Variants in HLCS observed in about 807,000 individuals in gnomAD.
The protein encoded by HLCS is holocarboxylase synthetase.
A neutral mutation model predicts 75.0 loss-of-function variants in HLCS; 53 were observed. The observed-to-expected ratio is 0.71, with a 90% CI of 0.57 to 0.89. The LOEUF (loss-of-function observed/expected upper bound fraction) is 0.89. Among genes scored for constraint, HLCS ranks in the 40% least tolerant of loss-of-function variants. HLCS has a pLI of 0.00. For synonymous variants in HLCS, 431 were observed against 428.6 expected, an observed-to-expected ratio of 1.01 and a Z score of -0.07; for missense variants, 966 against 1,074.0, an observed-to-expected ratio of 0.90 and a Z score of 1.41.
chr21:36,967,060 G>T (rs1447682866), upstream of HLCS, among the ~76,000 whole-genome samples: 1 of 151,936 alleles, frequency 6.6e-6, no homozygotes, highest in Non-Finnish European at 1.5e-5. Context: ...TCCAGTGGCT[G>T]CCCGACCTGT....
At chr21:36,769,723 C>T (rs1461166147) in intron 6 of HLCS, among the ~76,000 whole-genome samples, 1 of 152,204 alleles carries the variant, frequency 6.6e-6, no homozygotes, top group Non-Finnish European at 1.5e-5. Flanking sequence ...GAGACAGCCT[C>T]CTGACCACTT....
intron 6 of HLCS, among the ~76,000 whole-genome samples, chr21:36,834,670 C>T (rs2062343845): frequency 1.3e-5 from 2 of 152,228 alleles, no homozygotes; most frequent in African/African-American, 4.8e-5. Flanking sequence ...AGTCTCCTGC[C>T]TCAGCCTCCT....
chr21:36,864,616 T>C lies in HLCS; in HGVS notation c.1892+32244A>G, dbSNP rs533724285. Among the ~76,000 whole-genome samples the C allele has an allele frequency of 1.6e-3, 249 of 152,330 alleles. 1 individual carries two copies. The highest frequency in any genetic ancestry group is 5.8e-3 in the African/African-American group (242 of 41,576). On this transcript the variant is annotated intron_variant, in intron 6 of 10. Coordinates refer to ENST00000674895, the MANE Select transcript of HLCS (RefSeq NM_001352514.2). ...AGTGTTAAGTTTTCATATTATGAAT[T>C]GATTCAGTTACAATTACCAATAGTA...
At chr21:36,764,205 T>C (rs1481762801) in intron 8 of HLCS, among the ~76,000 whole-genome samples, 1 of 152,198 alleles carries the variant, frequency 6.6e-6, no homozygotes, top group African/African-American at 2.4e-5. Context: ...GAGACCATCC[T>C]GGCCAACATG....
At chr21:36,774,814 G>T (rs8130689) in intron 6 of HLCS, among the ~76,000 whole-genome samples, 15,818 of 152,214 alleles carry the variant, frequency 0.1, 1,446 homozygotes, top group African/African-American at 0.24. Flanking sequence ...ACACATAGTT[G>T]GTTGAACTGG....
chr21:36,911,627 T>C (rs1035838366), intron 5 of HLCS, among the ~76,000 whole-genome samples: 1 of 151,046 alleles, frequency 6.6e-6, no homozygotes, highest in African/African-American at 2.4e-5. Flanking sequence ...CAGGTGCCTG[T>C]AGTCCCAGCT....
chr21:36,773,984 C>A (rs1174247267), intron 6 of HLCS, among the ~76,000 whole-genome samples: 1 of 152,090 alleles, frequency 6.6e-6, no homozygotes, highest in Non-Finnish European at 1.5e-5. Flanking sequence ...CACACTTTAA[C>A]AATACGATTG....
intron 6 of HLCS, among the ~76,000 whole-genome samples, chr21:36,828,209 C>T (rs907974493): frequency 5.9e-5 from 9 of 152,038 alleles, no homozygotes; most frequent in East Asian, 3.9e-4. Flanking sequence ...TCTGATTCAG[C>T]GGGTTCAGAA....
chr21:36,935,474 AG>A (rs1184781885), intron 4 of HLCS, among the ~76,000 whole-genome samples: 1 of 152,216 alleles, frequency 6.6e-6, no homozygotes. Context: ...GAAAAAGACA[AG>A]GCATTACAAA....
intron 6 of HLCS, among the ~76,000 whole-genome samples, chr21:36,828,501 C>T (rs973926828): frequency 4.6e-5 from 7 of 152,138 alleles, no homozygotes; most frequent in South Asian, 2.1e-4. Flanking sequence ...CTTTATTCTT[C>T]CTTTTTTCCA....
chr21:36,798,687 T>G (rs988724148), intron 6 of HLCS, among the ~76,000 whole-genome samples: 1 of 152,220 alleles, frequency 6.6e-6, no homozygotes, highest in African/African-American at 2.4e-5. Flanking sequence ...CACATTCTTG[T>G]CAACATTTGG....
At chr21:36,875,981 C>T (rs1403707445) in intron 6 of HLCS, among the ~76,000 whole-genome samples, 1 of 152,194 alleles carries the variant, frequency 6.6e-6, no homozygotes, top group East Asian at 1.9e-4. Context: ...CTGGTGCCTG[C>T]AGCAGAAGCC....
intron 3 of HLCS, 85 bp from the exon 4 acceptor site, chr21:36,937,477 C>A (rs889422599): frequency 1.7e-5 from 20 of 1,195,332 alleles, no homozygotes; most frequent in Non-Finnish European, 2.3e-5. Flanking sequence ...TCTCATCACC[C>A]TCTCTGCATT....
chr21:36,868,641 CA>C, intron 6 of HLCS, among the ~76,000 whole-genome samples: 1 of 150,782 alleles, frequency 6.6e-6, no homozygotes, highest in African/African-American at 2.4e-5. Flanking sequence ...AAATGATGAC[CA>C]AAATAAAAAT....
chr21:36,968,566 C>T (rs1137981), upstream of HLCS: 62,255 of 151,976 alleles, frequency 0.41, 13,480 homozygotes, highest in South Asian at 0.53. Context: ...CAGTGGCAGC[C>T]GGAAAGTGGG....
chr21:36,761,060 T>C (rs115817158), intron 8 of HLCS, among the ~76,000 whole-genome samples: 1 of 152,360 alleles, frequency 6.6e-6, no homozygotes, highest in African/African-American at 2.4e-5. Context: ...ACGGGGCTGG[T>C]CTTCCCACGT....
intron 6 of HLCS, among the ~76,000 whole-genome samples, chr21:36,798,000 G>C (rs1347527033): frequency 6.6e-6 from 1 of 152,084 alleles, no homozygotes; most frequent in Non-Finnish European, 1.5e-5. Flanking sequence ...AGTAGTGAGA[G>C]CTAAGGATGG....
intron 5 of HLCS, among the ~76,000 whole-genome samples, chr21:36,912,766 C>A (rs1175968775): frequency 6.6e-6 from 1 of 152,102 alleles, no homozygotes; most frequent in Non-Finnish European, 1.5e-5. Context: ...CCACCCCCCC[C>A]AACCCCTGCC....
chr21:36,953,555 G>A (rs2146615961), intron 2 of HLCS, among the ~76,000 whole-genome samples: 1 of 152,218 alleles, frequency 6.6e-6, no homozygotes, highest in South Asian at 2.1e-4. Context: ...ATACAACTTA[G>A]CCTGTATCCT....
Sources: allele counts gnomAD v4.1 joint callset (sites outside exome capture counted in the v4.1 genomes callset), GRCh38; gene constraint gnomAD v4.1.1; transcripts MANE v1.5; gene names NCBI Gene and HGNC (gene_info 2026-07-23, HGNC 2026-07-21).